PHACTR3: variants seen among roughly 807,000 people sequenced by gnomAD.
PHACTR3 encodes the protein protein phosphatase 1, regulatory subunit 123.
A neutral mutation model predicts 66.8 loss-of-function variants in PHACTR3; 16 were observed. The ratio of observed to expected loss-of-function variants is 0.24; its 90% CI spans 0.16 to 0.36. The LOEUF is 0.36. PHACTR3 is among the 10% of genes least tolerant of loss of function. PHACTR3 has a pLI of 1.00. For missense variants in PHACTR3, 647 were observed against 719.9 expected (o/e 0.90, Z 1.16); for synonymous variants, 323 against 292.1 (o/e 1.11, Z -1.08).
intron 1 of PHACTR3, among the ~76,000 whole-genome samples, chr20:59,730,511 G>A (rs7352984): frequency 0.24 from 36,057 of 152,048 alleles, 5,100 homozygotes; most frequent in African/African-American, 0.38. Flanking sequence ...GCTTGCTTGC[G>A]GGGTAGGCAG....
intron 7 of PHACTR3, among the ~76,000 whole-genome samples, chr20:59,796,382 A>G (rs893121996): frequency 6.6e-6 from 1 of 152,152 alleles, no homozygotes; most frequent in African/African-American, 2.4e-5. Context: ...AGAGATTTGA[A>G]AGATTTACCT....
chr20:59,670,611 G>GGT (rs1555810023), intron 1 of PHACTR3, among the ~76,000 whole-genome samples: 1 of 136,604 alleles, frequency 7.3e-6, no homozygotes, highest in Admixed American at 7.3e-5. Context: ...GGGGTGGGGG[G>GGT]GGGGGGCAGG....
chr20:59,826,179 G>A (rs1412793353), intron 8 of PHACTR3, among the ~76,000 whole-genome samples: 1 of 152,066 alleles, frequency 6.6e-6, no homozygotes, highest in African/African-American at 2.4e-5. Context: ...GGTATGGGGA[G>A]GAGGGAGATC....
At chr20:59,723,481 ACT>A (rs1450614408) in intron 1 of PHACTR3, among the ~76,000 whole-genome samples, 1 of 151,800 alleles carries the variant, frequency 6.6e-6, no homozygotes, top group East Asian at 1.9e-4. Flanking sequence ...CATAGACCAT[ACT>A]CTCTTTATCC....
intron 1 of PHACTR3, among the ~76,000 whole-genome samples, chr20:59,578,786 G>A (rs566609014): frequency 7.0e-4 from 107 of 152,312 alleles, no homozygotes; most frequent in African/African-American, 2.5e-3. Flanking sequence ...GGATTTGGGG[G>A]ACACTTGAGA....
At chr20:59,811,007 T>C (rs1044759483) in intron 8 of PHACTR3, among the ~76,000 whole-genome samples, 1 of 152,242 alleles carries the variant, frequency 6.6e-6, no homozygotes, top group African/African-American at 2.4e-5. Flanking sequence ...GCCGGCGATG[T>C]GCTTGACGTC....
intron 1 of PHACTR3, among the ~76,000 whole-genome samples, chr20:59,695,079 C>T (rs1376918759): frequency 6.6e-6 from 1 of 152,028 alleles, no homozygotes; most frequent in Admixed American, 6.6e-5. Flanking sequence ...TCACACAAAA[C>T]CCCACCACCC....
chr20:59,699,740 G>C (rs2146606160), intron 1 of PHACTR3, among the ~76,000 whole-genome samples: 1 of 152,240 alleles, frequency 6.6e-6, no homozygotes, highest in Admixed American at 6.5e-5. Context: ...GAGGTGGGTG[G>C]ATCATGAGGT....
chr20:59,687,870 C>T (rs183054499), intron 1 of PHACTR3, among the ~76,000 whole-genome samples: 1 of 152,202 alleles, frequency 6.6e-6, no homozygotes, highest in African/African-American at 2.4e-5. Context: ...CTTTGAATTT[C>T]ACAGAATCCT....
At chr20:59,769,657 A>G (rs1356496218) in intron 5 of PHACTR3, among the ~76,000 whole-genome samples, 1 of 152,224 alleles carries the variant, frequency 6.6e-6, no homozygotes, top group African/African-American at 2.4e-5. Context: ...AGAGACGGCC[A>G]CACGTCTGTG....
At chr20:59,821,328 G>T (rs940569810) in intron 8 of PHACTR3, among the ~76,000 whole-genome samples, 2 of 152,276 alleles carry the variant, frequency 1.3e-5, no homozygotes, top group African/African-American at 2.4e-5. Context: ...CAACAAGGAC[G>T]CAGACTCCTC....
intron 1 of PHACTR3, among the ~76,000 whole-genome samples, chr20:59,608,367 G>C (rs1000796603): frequency 6.6e-6 from 1 of 152,140 alleles, no homozygotes; most frequent in Non-Finnish European, 1.5e-5. Flanking sequence ...CTATAAATCC[G>C]CACTCTACAC....
At chr20:59,739,467 C>T (rs1271826531) in intron 1 of PHACTR3, among the ~76,000 whole-genome samples, 1 of 152,146 alleles carries the variant, frequency 6.6e-6, no homozygotes, top group African/African-American at 2.4e-5. Flanking sequence ...GGGGAAGCCT[C>T]AGAAAACTTA....
Position 59,829,368 on chromosome 20 carries a change from G to A in PHACTR3, c.1329-7137G>A, listed in dbSNP as rs1018586081. Among the ~76,000 whole-genome samples the A allele has an allele frequency of 3.9e-5, 6 of 152,178 alleles. No individual in the cohort carries two copies. The highest frequency in any genetic ancestry group is 3.3e-4 in the Admixed American group (5 of 15,284). On this transcript the variant is annotated intron_variant, in intron 8 of 12. Coordinates refer to ENST00000371015, the MANE Select transcript of PHACTR3 (RefSeq NM_080672.5). The surrounding 1 kb of genome is among the most constrained non-coding windows in gnomAD (Gnocchi z 4.2). Reference sequence around the variant, plus strand: ...CCCATCCCAGGTCTTTCCCTGGGCGGTTTCTTTCATCATCCAGGCCTCATC... The same window carrying A: ...CCCATCCCAGGTCTTTCCCTGGGCGATTTCTTTCATCATCCAGGCCTCATC...
At chr20:59,840,467 T>C (rs770787062) in intron 10 of PHACTR3, 37 bp downstream of exon 10, 1 of 1,610,144 alleles carries the variant, frequency 6.2e-7, no homozygotes, top group Non-Finnish European at 8.5e-7. Context: ...TAATAAAAGG[T>C]GGTCTAGAGA....
At chr20:59,591,401 T>C (rs925722958) in intron 1 of PHACTR3, among the ~76,000 whole-genome samples, 1 of 152,204 alleles carries the variant, frequency 6.6e-6, no homozygotes, top group Non-Finnish European at 1.5e-5. Context: ...AGCTCTGGCC[T>C]TGGCCTCCAC....
intron 8 of PHACTR3, among the ~76,000 whole-genome samples, chr20:59,811,194 C>A (rs532741009): frequency 2.6e-5 from 4 of 152,200 alleles, no homozygotes; most frequent in Admixed American, 1.3e-4. Flanking sequence ...AGAGCCCTAG[C>A]CCTGGGCCTG....
At chr20:59,790,930 T>A (rs1439990740) in intron 7 of PHACTR3, among the ~76,000 whole-genome samples, 1 of 152,194 alleles carries the variant, frequency 6.6e-6, no homozygotes, top group Non-Finnish European at 1.5e-5. Context: ...TTCTTTGAGC[T>A]TTGCTGGGAG....
chr20:59,605,858 TGGGG>T (rs55834062), intron 1 of PHACTR3, among the ~76,000 whole-genome samples: 1 of 87,686 alleles, frequency 1.1e-5, no homozygotes, highest in Admixed American at 1.1e-4. Flanking sequence ...GGGGGGGAGG[TGGGG>T]GGGGGGGTGG....
Sources: gnomAD v4.1 joint callset for allele counts (sites outside exome capture counted in the v4.1 genomes callset) on GRCh38, gnomAD v4.1.1 for gene constraint, Gnocchi (gnomAD v3.1) non-coding constraint, MANE v1.5 for transcripts, NCBI Gene and HGNC (gene_info 2026-07-23, HGNC 2026-07-21) for gene names.